RGL1: variants seen among roughly 807,000 people sequenced by gnomAD.
RGL1 encodes the protein ral guanine nucleotide dissociation stimulator-like 1.
A neutral mutation model predicts 95.2 loss-of-function variants in RGL1; 24 were observed. The ratio of observed to expected loss-of-function variants is 0.25; its 90% CI spans 0.18 to 0.35. The LOEUF (loss-of-function observed/expected upper bound fraction) is 0.35, where lower values mean the gene tolerates loss of function less well. Ranked by LOEUF, RGL1 falls within the 10% of genes least tolerant of loss-of-function variation. The pLI is 1.00. For missense variants in RGL1, 715 were observed against 936.3 expected (o/e 0.76, Z 3.08); for synonymous variants, 329 against 344.9 (o/e 0.95, Z 0.51).
intron 2 of RGL1, among the ~76,000 whole-genome samples, chr1:183,785,583 C>T (rs1660117006): frequency 1.3e-5 from 2 of 152,240 alleles, no homozygotes; most frequent in South Asian, 4.1e-4. Context: ...TATGTCATGT[C>T]CAGCACCCAG....
intron 2 of RGL1, among the ~76,000 whole-genome samples, chr1:183,745,069 G>A (rs940636428): frequency 6.6e-6 from 1 of 152,114 alleles, no homozygotes; most frequent in African/African-American, 2.4e-5. Context: ...ATATTGGCCA[G>A]TCTGTTTGTT....
chr1:183,865,789 T>G (rs1192052363), intron 3 of RGL1, among the ~76,000 whole-genome samples: 1 of 152,232 alleles, frequency 6.6e-6, no homozygotes, highest in East Asian at 1.9e-4. Context: ...GATTAGTTGT[T>G]AAATGACTTT....
intron 1 of RGL1, among the ~76,000 whole-genome samples, chr1:183,645,483 TA>T (rs1166613041): frequency 3.3e-5 from 5 of 152,354 alleles, no homozygotes; most frequent in African/African-American, 1.2e-4. Context: ...TACCTTAATT[TA>T]CTTCTATTTT....
Position 183,724,832 on chromosome 1 carries a change from G to A in RGL1, c.-32-17294G>A, listed in dbSNP as rs1479610403. On this transcript the variant is annotated intron_variant, in intron 1 of 18. Transcript: ENST00000304685. This position sits in a 1 kb window ranked among gnomAD's most constrained non-coding sequence, Gnocchi z 4.1. ...GGGCCTTGAGTGAACACAGGCAGTAGGCAGATAGTGGTTATAGCAGGCTTT... is the reference window on the plus strand; with the variant it reads ...GGGCCTTGAGTGAACACAGGCAGTAAGCAGATAGTGGTTATAGCAGGCTTT... Among the ~76,000 whole-genome samples the A allele has an allele frequency of 2.6e-5, 4 of 152,070 alleles. No homozygotes were observed. The highest frequency in any genetic ancestry group is 2.6e-4 in the Admixed American group (4 of 15,256).
At chr1:183,710,476 C>A (rs185840882) in intron 1 of RGL1, among the ~76,000 whole-genome samples, 15 of 152,272 alleles carry the variant, frequency 9.9e-5, no homozygotes, top group Admixed American at 2.6e-4. Context: ...GTTTTTGCAT[C>A]CCCTGTTTTT....
At chr1:183,649,809 A>G (rs1650585268) in intron 1 of RGL1, among the ~76,000 whole-genome samples, 1 of 152,202 alleles carries the variant, frequency 6.6e-6, no homozygotes, top group South Asian at 2.1e-4. Context: ...ATGCTCTAGG[A>G]GCTACCTATT....
At chr1:183,650,708 ATTT>A (rs11395856) in intron 1 of RGL1, among the ~76,000 whole-genome samples, 27 of 144,644 alleles carry the variant, frequency 1.9e-4, no homozygotes, top group African/African-American at 6.3e-4. Context: ...AAAGAATCAG[ATTT>A]TTTTTTTTTT....
At position 183,724,481 on chromosome 1, in the gene RGL1, G is replaced by A. The variant is rs1412442238; in HGVS notation, c.-32-17645G>A. Among the ~76,000 whole-genome samples the A allele has an allele frequency of 4.6e-5, 7 of 152,114 alleles. 1 individual carries two copies. On this transcript the variant is annotated intron_variant, in intron 1 of 18. Coordinates refer to the RGL1 transcript ENST00000304685. The surrounding 1 kb of genome is among the most constrained non-coding windows in gnomAD (Gnocchi z 4.1). The stretch of plus-strand genomic sequence containing the variant: ...AGCCTGGCAACATTCACCACAAGCT[G>A]ACTGGAGATCCCTTGGGCCTTAAGT...
Position 183,907,011 on chromosome 1 carries a change from G to T in RGL1, c.1473-1G>T. 6.3e-7 allele frequency: 1 copy of T among 1,597,114 alleles called. No individual in the cohort carries two copies. The highest frequency in any genetic ancestry group is 8.6e-7 in the Non-Finnish European group (1 of 1,165,288). ...TCATGGAGCCCCCTTCTCTTTCTCA[G>T]CTATGCCCTGTCATGTGAGATTGAA... On this transcript the variant is annotated splice_acceptor_variant, in intron 13 of 17. Transcript: ENST00000360851. LOFTEE classifies it high-confidence loss of function.
At chr1:183,699,815 C>A (rs571364292) in intron 1 of RGL1, among the ~76,000 whole-genome samples, 98 of 152,278 alleles carry the variant, frequency 6.4e-4, no homozygotes, top group African/African-American at 1.8e-3. Context: ...TTTCATCAGC[C>A]CCTTCCTCAT....
At chr1:183,740,987 A>G (rs1657263407) in intron 1 of RGL1, among the ~76,000 whole-genome samples, 1 of 152,220 alleles carries the variant, frequency 6.6e-6, no homozygotes, top group African/African-American at 2.4e-5. Flanking sequence ...TCTAGAGTAC[A>G]TAGAATAACA....
chr1:183,879,614 C>T (rs946625221), intron 4 of RGL1, among the ~76,000 whole-genome samples: 1 of 152,224 alleles, frequency 6.6e-6, no homozygotes, highest in African/African-American at 2.4e-5. Flanking sequence ...CAGCCTTCAG[C>T]AGTGACTATT....
chr1:183,761,008 C>T (rs939120724), intron 2 of RGL1, among the ~76,000 whole-genome samples: 3 of 152,214 alleles, frequency 2.0e-5, no homozygotes, highest in Non-Finnish European at 2.9e-5. Context: ...TTCTAGTTCT[C>T]TTGCTATTTC....
intron 7 of RGL1, 114 bp downstream of exon 7, chr1:183,885,052 T>C (rs1667038946): frequency 8.2e-6 from 7 of 854,712 alleles, no homozygotes; most frequent in Non-Finnish European, 1.2e-5. Context: ...AGACCATATA[T>C]GAGAGCCCAC....
At chr1:183,834,973 A>G (rs2500111) in intron 2 of RGL1, among the ~76,000 whole-genome samples, 121,666 of 152,166 alleles carry the variant, frequency 0.8, 48,796 homozygotes, top group Middle Eastern at 0.88. Flanking sequence ...ATCAGCCACC[A>G]TGCCTGGCCA....
chr1:183,806,792 ACT>A (rs1412480855), intron 2 of RGL1, among the ~76,000 whole-genome samples: 1 of 151,706 alleles, frequency 6.6e-6, no homozygotes, highest in Non-Finnish European at 1.5e-5. Flanking sequence ...AGAGAGCAGC[ACT>A]CTCTTAGACA....
intron 13 of RGL1, among the ~76,000 whole-genome samples, chr1:183,905,319 C>A (rs1232563279): frequency 6.6e-6 from 1 of 152,162 alleles, no homozygotes; most frequent in Non-Finnish European, 1.5e-5. Flanking sequence ...TTGTCACCAC[C>A]ACCACTGTCA....
intron 1 of RGL1, among the ~76,000 whole-genome samples, chr1:183,738,882 T>C (rs962229345): frequency 1.3e-5 from 2 of 151,940 alleles, no homozygotes; most frequent in African/African-American, 4.8e-5. Context: ...GCCTGGGTGA[T>C]AGCACGAGAC....
At chr1:183,887,758 C>G (rs1043949607) in intron 7 of RGL1, among the ~76,000 whole-genome samples, 1 of 152,176 alleles carries the variant, frequency 6.6e-6, no homozygotes, top group Admixed American at 6.5e-5. Context: ...GAGCCTCTCT[C>G]CTTACCCAGA....
Sources: gnomAD v4.1 joint callset for allele counts (sites outside exome capture counted in the v4.1 genomes callset) on GRCh38, gnomAD v4.1.1 for gene constraint, Gnocchi (gnomAD v3.1) non-coding constraint, MANE v1.5 for transcripts, NCBI Gene and HGNC (gene_info 2026-07-23, HGNC 2026-07-21) for gene names.